Variants in ANKRD45 observed in about 807,000 individuals in gnomAD.
ANKRD45 encodes the protein ankyrin repeat domain-containing protein 45.
ANKRD45 carries 21 observed loss-of-function variants against 28.1 expected under a neutral mutation model. The observed-to-expected ratio is 0.75, with a 90% CI of 0.53 to 1.08. ANKRD45 has a LOEUF of 1.08. Ranked by LOEUF, ANKRD45 falls within the 50% of genes least tolerant of loss-of-function variation. The pLI is 0.00. For synonymous variants in ANKRD45, 86 were observed against 103.9 expected, an observed-to-expected ratio of 0.83 and a Z score of 1.05; for missense variants, 261 against 308.7, an observed-to-expected ratio of 0.85 and a Z score of 1.16.
rs1668480539 is a variant in ANKRD45 at position 173,637,076 on chromosome 1, A to G, written c.496+9770T>C. 7.2e-6 allele frequency: 9 copies of G among 1,252,668 alleles called. No individual in the cohort carries two copies. In the East Asian group the frequency reaches 2.0e-4, roughly 28 times the overall value. 77.6% of individuals were successfully genotyped at this position (1,252,668 alleles called of 1,614,324 possible). On this transcript the variant is annotated intron_variant, in intron 3 of 5. Transcript: ENST00000333279. ...AAATGTAGCTTAGTCAATTATAGAT[A>G]TCACAAAAGAAATCTATCATCTAAG...
chr1:173,629,930 A>G (rs1343292018), intron 3 of ANKRD45, among the ~76,000 whole-genome samples: 2 of 152,192 alleles, frequency 1.3e-5, no homozygotes, highest in Admixed American at 1.3e-4. Context: ...AAAGAAACCA[A>G]TAACATATAA....
At chr1:173,652,192 T>G (rs1669260358) in intron 2 of ANKRD45, among the ~76,000 whole-genome samples, 1 of 152,162 alleles carries the variant, frequency 6.6e-6, no homozygotes, top group African/African-American at 2.4e-5. Flanking sequence ...AAGGGAATGC[T>G]TCCAGTTTTT....
chr1:173,710,299 A>C, the ANKRD45 span, among the ~76,000 whole-genome samples: 1 of 152,220 alleles, frequency 6.6e-6, no homozygotes, highest in Non-Finnish European at 1.5e-5. Context: ...CTCAGAAGAA[A>C]GAATTTGACT....
chr1:173,681,576 A>T, the ANKRD45 span, among the ~76,000 whole-genome samples: 1 of 152,344 alleles, frequency 6.6e-6, no homozygotes, highest in South Asian at 2.1e-4. Context: ...TAGATTCATA[A>T]AAACCTTTTG....
At chr1:173,651,532 C>T (rs1016057037) in intron 2 of ANKRD45, among the ~76,000 whole-genome samples, 2 of 152,230 alleles carry the variant, frequency 1.3e-5, no homozygotes, top group Non-Finnish European at 1.5e-5. Flanking sequence ...AGCATGATGC[C>T]TTCAGCTTTG....
chr1:173,645,693 C>T (rs1481215244), intron 3 of ANKRD45, among the ~76,000 whole-genome samples: 1 of 152,196 alleles, frequency 6.6e-6, no homozygotes, highest in African/African-American at 2.4e-5. Flanking sequence ...CCTGTGGAAA[C>T]TATGACCTAC....
chr1:173,635,526 C>CA, intron 3 of ANKRD45: 1 of 1,512,672 alleles, frequency 6.6e-7, no homozygotes, highest in East Asian at 2.5e-5. Flanking sequence ...AGAAGGATGT[C>CA]TAATCAAAGA....
intron 4 of ANKRD45, 90 bp downstream of exon 4, chr1:173,626,975 T>C (rs1667967999): frequency 3.6e-6 from 3 of 845,024 alleles, no homozygotes; most frequent in Non-Finnish European, 5.8e-6. Context: ...TAAGGACCAC[T>C]ACCTGCCTTT....
intron 1 of ANKRD45, chr1:173,669,549 C>T (rs906799583): frequency 8.8e-6 from 4 of 454,116 alleles, no homozygotes; most frequent in African/African-American, 6.0e-5. Context: ...CAGGAGGTCC[C>T]GCGAGGGGGC....
chr1:173,700,763 T>C, the ANKRD45 span, among the ~76,000 whole-genome samples: 6 of 151,976 alleles, frequency 3.9e-5, no homozygotes, highest in African/African-American at 1.5e-4. Context: ...TAGGCATGGG[T>C]AAGGACTTCA....
chr1:173,669,738 G>A lies in ANKRD45; in HGVS notation c.-16+79C>T, dbSNP rs909586536. ...TCCAGCCCTGCCCGAGCAGCCTGGAGGGAAGATGTCCGTCTACCCCATCGC... is the reference window on the plus strand; with the variant it reads ...TCCAGCCCTGCCCGAGCAGCCTGGAAGGAAGATGTCCGTCTACCCCATCGC... On this transcript the variant is annotated intron_variant, in intron 1 of 5. Transcript: ENST00000333279. The A allele has an allele frequency of 6.2e-5, 17 of 274,938 alleles. No homozygotes were observed. The South Asian group carries it at 6.4e-4, about 10-fold the overall frequency. 17.0% of individuals were successfully genotyped at this position (274,938 alleles called of 1,614,324 possible).
At chr1:173,630,565 A>T (rs994079855) in intron 3 of ANKRD45, among the ~76,000 whole-genome samples, 4 of 150,726 alleles carry the variant, frequency 2.7e-5, no homozygotes, top group African/African-American at 9.7e-5. Context: ...AACATACAAC[A>T]AAGCTGGGCT....
chr1:173,702,764 G>A, the ANKRD45 span, among the ~76,000 whole-genome samples: 3 of 143,226 alleles, frequency 2.1e-5, no homozygotes, highest in Non-Finnish European at 3.0e-5. Context: ...CTTTCTTGCC[G>A]AGGCTGAAAT....
In ANKRD45 at chr1:173,624,788, T is replaced by A. The variant is rs772149706; in HGVS notation, c.729A>T (p.Pro243=). 1.2e-6 allele frequency: 2 copies of A among 1,611,590 alleles called. No homozygotes were observed. Among genetic ancestry groups the A allele is most frequent in the South Asian group, 1.1e-5 (1 of 90,636 alleles). The stretch of plus-strand genomic sequence containing the variant: ...AACCACCTTTTATCCAAAACTTACA[T>A]GGTGTAGTCATTTTTGTGAAGATAG... ...VTPIFTKMTT[P]CQVKSAKSVT... is the part of the protein sequence containing the mutation. The change falls in exon 5 of 6, where the codon CCA becomes CCT. Residue 243 remains proline (P), a splice_region_variant and synonymous_variant. Coordinates refer to ENST00000333279, the MANE Select transcript of ANKRD45 (RefSeq NM_198493.3).
the ANKRD45 span, among the ~76,000 whole-genome samples, chr1:173,676,332 T>G: frequency 2.0e-5 from 3 of 152,248 alleles, no homozygotes; most frequent in African/African-American, 7.2e-5. Context: ...CTCCAACTTT[T>G]GTTCATAGGA....
At chr1:173,711,588 C>T in the ANKRD45 span, among the ~76,000 whole-genome samples, 4 of 152,218 alleles carry the variant, frequency 2.6e-5, no homozygotes, top group African/African-American at 9.6e-5. Flanking sequence ...CAGTTCCCAG[C>T]TTGACTTTTC....
rs142606737 is a variant in ANKRD45 at position 173,617,342 on chromosome 1, G to T, written c.731-7127C>A. On this transcript the variant is annotated intron_variant, in intron 5 of 5. Transcript: ENST00000333279. ...CACCTTGGAATTCCTGCCAGACAGC[G>T]CAACAGGCTGGAGACTGCCTGAGAT... Among the ~76,000 whole-genome samples, 211 of 152,322 alleles carry T rather than the reference G, an allele frequency of 1.4e-3. 1 individual carries two copies. The highest frequency in any genetic ancestry group is 0.012 in the Admixed American group (190 of 15,302).
At chr1:173,708,502 G>A in the ANKRD45 span, among the ~76,000 whole-genome samples, 1 of 152,200 alleles carries the variant, frequency 6.6e-6, no homozygotes, top group African/African-American at 2.4e-5. Flanking sequence ...GCCTTGATCT[G>A]GGGCCTCCCA....
At chr1:173,699,582 T>C in the ANKRD45 span, among the ~76,000 whole-genome samples, 5 of 152,146 alleles carry the variant, frequency 3.3e-5, no homozygotes, top group Non-Finnish European at 5.9e-5. Context: ...CACATGATTA[T>C]CTCAATAGAT....
Sources: allele counts gnomAD v4.1 joint callset (sites outside exome capture counted in the v4.1 genomes callset), GRCh38; gene constraint gnomAD v4.1.1; transcripts MANE v1.5; gene names NCBI Gene and HGNC (gene_info 2026-07-23, HGNC 2026-07-21).